Variants in GNGT2 observed in about 807,000 individuals in gnomAD.
GNGT2 encodes guanine nucleotide-binding protein G(I)/G(S)/G(O) subunit gamma-T2.
In GNGT2, 4 loss-of-function variants were observed where a neutral mutation model predicts 3.5. The observed-to-expected ratio is 1.13, with a 90% CI of 0.56 to 2.59. The LOEUF (loss-of-function observed/expected upper bound fraction) is 2.59. GNGT2 is among the 30% of genes most tolerant of loss of function. The pLI is 0.02. For synonymous variants in GNGT2, 31 were observed against 29.5 expected (o/e 1.05, Z -0.17); for missense variants, 64 against 81.2 (o/e 0.79, Z 0.82).
chr17:49,207,434 CA>C lies in GNGT2; in HGVS notation c.-13del. On this transcript the variant is annotated 5_prime_UTR_variant, in exon 3 of 4. Transcript: ENST00000507680. ...AGATCCTGGGCCATCCTGCCCTAGACAGACCTGATCCTGGAAAGGATTCAGC... is the reference window on the plus strand; with the variant it reads ...AGATCCTGGGCCATCCTGCCCTAGACGACCTGATCCTGGAAAGGATTCAGC... The C allele has an allele frequency of 6.3e-7, 1 of 1,580,264 alleles. No homozygotes were observed. The highest frequency in any genetic ancestry group is 8.7e-7 in the Non-Finnish European group (1 of 1,149,174).
In GNGT2 at chr17:49,207,334, C is replaced by T. The variant is rs775820568; in HGVS notation, c.84+5G>A. ...GAAGAGCAGGGACGGGGCGAGGAGG[C>T]TCACCGGAATTCTTGTGTTTTTCAC... On this transcript the variant is annotated splice_donor_5th_base_variant and intron_variant, in intron 3 of 3. Coordinates refer to ENST00000507680, the MANE Select transcript of GNGT2 (RefSeq NM_001198754.2). The T allele has an allele frequency of 3.1e-6, 5 of 1,603,656 alleles. No homozygotes were observed. In the South Asian group the frequency reaches 5.5e-5, roughly 18 times the overall value.
Position 49,207,987 on chromosome 17 carries a change from G to A in GNGT2, c.-22-543C>T, listed in dbSNP as rs570538432. On this transcript the variant is annotated intron_variant, in intron 2 of 3. Coordinates refer to ENST00000507680, the MANE Select transcript of GNGT2 (RefSeq NM_001198754.2). The stretch of plus-strand genomic sequence containing the variant: ...TCAAGATCAGCCTGGCCAACATGGC[G>A]AAACCTCGTCTCTACAAAAGATAGA... Among the ~76,000 whole-genome samples the A allele has an allele frequency of 2.4e-4, 36 of 152,122 alleles. 1 individual carries two copies. The South Asian group carries it at 6.4e-3, about 27-fold the overall frequency.
At chr17:49,208,059 G>A (rs949324854) in intron 2 of GNGT2, among the ~76,000 whole-genome samples, 3 of 152,108 alleles carry the variant, frequency 2.0e-5, no homozygotes, top group Admixed American at 6.6e-5. Context: ...CAGCTACTCG[G>A]GAGGCTGAGA....
At chr17:49,208,080 G>A (rs1025719638) in intron 2 of GNGT2, among the ~76,000 whole-genome samples, 2 of 151,980 alleles carry the variant, frequency 1.3e-5, no homozygotes, top group African/African-American at 4.8e-5. Flanking sequence ...TATGAGAATT[G>A]CTTGAACCTG....
rs2043147562 is a variant in GNGT2, at chr17:49,210,202, T to G, written c.-133+242A>C. On this transcript the variant is annotated intron_variant, in intron 1 of 3. Coordinates refer to ENST00000507680, the MANE Select transcript of GNGT2 (RefSeq NM_001198754.2). This position sits in a 1 kb window ranked among gnomAD's most constrained non-coding sequence, Gnocchi z 4.2. The stretch of plus-strand genomic sequence containing the variant: ...TTTTTGCTGTGCTGCTGCCCCACAG[T>G]CCTCTGGTATGACGGATCTCCATAT... 2.0e-5 allele frequency: 3 copies of G among 152,390 alleles called. No homozygotes were observed. Among genetic ancestry groups the G allele is most frequent in the Admixed American group, 6.6e-5 (1 of 15,262 alleles). 9.4% of individuals were successfully genotyped at this position (152,390 alleles called of 1,614,324 possible).
chr17:49,208,270 C>T (rs1427703149), intron 2 of GNGT2, among the ~76,000 whole-genome samples: 3 of 151,912 alleles, frequency 2.0e-5, no homozygotes, highest in Non-Finnish European at 2.9e-5. Context: ...AGACTAGCCT[C>T]GCCAACATGG....
At chr17:49,209,600 C>T (rs2233359) in intron 1 of GNGT2, among the ~76,000 whole-genome samples, 10,385 of 152,218 alleles carry the variant, frequency 0.068, 498 homozygotes, top group Non-Finnish European at 0.1. Context: ...CATTGAGCTC[C>T]TGCTCTGGTT....
At chr17:49,208,410 G>A (rs1598233083) in intron 2 of GNGT2, among the ~76,000 whole-genome samples, 1 of 150,050 alleles carries the variant, frequency 6.7e-6, no homozygotes. Context: ...GCAGTGAGCC[G>A]AGATCACACC....
Position 49,210,358 on chromosome 17 carries a change from G to A in GNGT2, c.-133+86C>T. ...CACCTCCGCCCCCTATAGCAGGCCAGCCCCCTTCCTCCCCAGTCTCCGACC... is the reference window on the plus strand; with the variant it reads ...CACCTCCGCCCCCTATAGCAGGCCAACCCCCTTCCTCCCCAGTCTCCGACC... On this transcript the variant is annotated intron_variant, in intron 1 of 3. Coordinates refer to ENST00000507680, the MANE Select transcript of GNGT2 (RefSeq NM_001198754.2). This position sits in a 1 kb window ranked among gnomAD's most constrained non-coding sequence, Gnocchi z 4.2. 5.6e-6 allele frequency: 1 copy of A among 178,850 alleles called. No individual in the cohort carries two copies. Among genetic ancestry groups the A allele is most frequent in the East Asian group, 1.5e-4 (1 of 6,878 alleles). The allele number at this position is 178,850 out of a possible 1,614,324, so 11.1% of individuals were successfully genotyped here.
Position 49,207,374 on chromosome 17 carries a change from G to T in GNGT2, c.49C>A (p.Gln17Lys), listed in dbSNP as rs1424022296. The T allele has an allele frequency of 6.2e-7, 1 of 1,613,640 alleles. No individual in the cohort carries two copies. The highest frequency in any genetic ancestry group is 1.7e-5 in the Admixed American group (1 of 60,020). Residue 17 changes from glutamine (Q) to lysine (K), a missense_variant, in exon 3 of 4, where the codon CAG becomes AAG. Physicochemically the swap from Gln to Lys is moderately conservative, Grantham distance 53 (BLOSUM62 1). Coordinates refer to ENST00000507680, the MANE Select transcript of GNGT2 (RefSeq NM_001198754.2). ...GTGTTTTTCACTTCTTTCTTCAGCT[G>T]CTCCACCTCCATCTTCAACAGGTCC... is the stretch of plus-strand genomic sequence containing the variant. ...EKDLLKMEVE[Q>K]LKKEVKNTRI...
At chr17:49,207,251 G>A in intron 3 of GNGT2, 88 bp downstream of exon 3, 6 of 979,404 alleles carry the variant, frequency 6.1e-6, no homozygotes, top group East Asian at 2.4e-5. Context: ...CCCTGGAACA[G>A]TCCCACCACC....
intron 2 of GNGT2, among the ~76,000 whole-genome samples, chr17:49,208,392 C>T (rs573935804): frequency 6.7e-5 from 10 of 148,970 alleles, no homozygotes; most frequent in Admixed American, 6.1e-4. Context: ...ACCCAGAAGA[C>T]GGAGGTTGCA....
At chr17:49,208,461 CAA>C (rs549993684) in intron 2 of GNGT2, among the ~76,000 whole-genome samples, 13 of 124,132 alleles carry the variant, frequency 1.0e-4, no homozygotes, top group Admixed American at 8.3e-5. Context: ...GACTCCATCT[CAA>C]AAAAAAAAAA....
chr17:49,206,802 C>T lies in GNGT2; in HGVS notation c.165G>A (p.Glu55=). Residue 55 remains glutamate, a synonymous_variant, in exon 4 of 4, where the codon GAG becomes GAA. Transcript: ENST00000507680. Reference sequence around the variant, plus strand: ...CTTTCTCCTTGAAGGGATTCTTGTCCTCAGGGATGCCTTTGAGAAAAGGAT... The same window carrying T: ...CTTTCTCCTTGAAGGGATTCTTGTCTTCAGGGATGCCTTTGAGAAAAGGAT... The part of the protein sequence containing the change: ...GNDPFLKGIP[E]DKNPFKEKGG... 1.2e-6 allele frequency: 2 copies of T among 1,613,780 alleles called. No individual in the cohort carries two copies. Among genetic ancestry groups the T allele is most frequent in the Non-Finnish European group, 1.7e-6 (2 of 1,179,740 alleles).
chr17:49,208,418 A>G lies in GNGT2; in HGVS notation c.-23+427T>C, dbSNP rs561986833. Among the ~76,000 whole-genome samples the G allele has an allele frequency of 7.9e-5, 12 of 150,974 alleles. No individual in the cohort carries two copies. The South Asian group carries it at 1.5e-3, about 19-fold the overall frequency. ...GGAGGTTGCAGTGAGCCGAGATCAC[A>G]CCACTGCACTCCAGCTTAGGCGACA... On this transcript the variant is annotated intron_variant, in intron 2 of 3. Transcript: ENST00000507680.
rs373761812 is a variant in GNGT2, at chr17:49,207,889, G to T, written c.-22-445C>A. Among the ~76,000 whole-genome samples the T allele has an allele frequency of 9.1e-4, 138 of 152,256 alleles. No individual in the cohort carries two copies. In the Middle Eastern group the frequency reaches 0.02, roughly 23 times the overall value. On this transcript the variant is annotated intron_variant, in intron 2 of 3. Transcript: ENST00000507680. ...GGTCAAGAGAAGGGGGTCTTGGCTG[G>T]GCGCGGTGGCTCACCCCTATAATCC...
At chr17:49,208,688 C>T (rs2043129149) in intron 2 of GNGT2, among the ~76,000 whole-genome samples, 157 bp downstream of exon 2, 1 of 152,026 alleles carries the variant, frequency 6.6e-6, no homozygotes, top group East Asian at 1.9e-4. Flanking sequence ...TAATATACTA[C>T]CTGGCACATA....
intron 1 of GNGT2, chr17:49,209,402 G>A (rs949957366): frequency 6.6e-6 from 1 of 152,260 alleles, no homozygotes; most frequent in Non-Finnish European, 1.5e-5. Context: ...CAATAAAAAT[G>A]TCCTTGCTCA....
Position 49,210,425 on chromosome 17 carries a change from C to A in GNGT2, c.-133+19G>T, listed in dbSNP as rs2043151441. 1.5e-5 allele frequency: 4 copies of A among 273,344 alleles called. No homozygotes were observed. Among genetic ancestry groups the A allele is most frequent in the Non-Finnish European group, 2.8e-5 (4 of 144,908 alleles). The allele number at this position is 273,344 out of a possible 1,614,324, so 16.9% of individuals were successfully genotyped here. A position where few individuals can be genotyped will look rare whatever the true frequency, so the allele number is the denominator to read the frequency against. On this transcript the variant is annotated intron_variant, in intron 1 of 3. Transcript: ENST00000507680. This position sits in a 1 kb window ranked among gnomAD's most constrained non-coding sequence, Gnocchi z 4.2. ...CAGTTTCCTCTCCAGGACCAGGGAG[C>A]AATCACAGCTGCCCCGACCTTGGCT...
Sources: allele counts gnomAD v4.1 joint callset (sites outside exome capture counted in the v4.1 genomes callset), GRCh38; gene constraint gnomAD v4.1.1; non-coding constraint Gnocchi (gnomAD v3.1); transcripts MANE v1.5; gene names NCBI Gene and HGNC (gene_info 2026-07-23, HGNC 2026-07-21).